The following CELF4 variants were observed in gnomAD, a reference collection of about 807,000 sequenced individuals.
The protein encoded by CELF4 is CUG-BP- and ETR-3-like factor 4.
In CELF4, 18 loss-of-function variants were observed where a neutral mutation model predicts 59.9. That is an observed-to-expected ratio of 0.30 (90% confidence interval 0.21 to 0.45). The LOEUF (loss-of-function observed/expected upper bound fraction) is 0.45, where lower values mean the gene tolerates loss of function less well. Among genes scored for constraint, CELF4 ranks in the 20% least tolerant of loss-of-function variants. The probability of loss-of-function intolerance (pLI) is 1.00; values close to 1 mark genes in which losing one functional copy is unlikely to be tolerated. For synonymous variants in CELF4, 261 were observed against 267.1 expected (o/e 0.98, Z 0.22); for missense variants, 456 against 689.0 (o/e 0.66, Z 3.79).
At chr18:37,328,338 C>G (rs928851558) in intron 2 of CELF4, among the ~76,000 whole-genome samples, 1 of 152,174 alleles carries the variant, frequency 6.6e-6, no homozygotes, top group Non-Finnish European at 1.5e-5. Flanking sequence ...CCGCAGGGAG[C>G]TGGGGAGAGG....
chr18:37,258,727 T>C (rs2071983520), intron 11 of CELF4, among the ~76,000 whole-genome samples: 1 of 152,104 alleles, frequency 6.6e-6, no homozygotes, highest in Non-Finnish European at 1.5e-5. Flanking sequence ...TGTCACGCTC[T>C]GATTTAGCCT....
chr18:37,297,871 C>T (rs572056875), intron 3 of CELF4, among the ~76,000 whole-genome samples: 2 of 152,152 alleles, frequency 1.3e-5, no homozygotes, highest in South Asian at 4.2e-4. Flanking sequence ...ATGCAAAGGC[C>T]CAGATGCCAG....
intron 1 of CELF4, among the ~76,000 whole-genome samples, chr18:37,557,853 G>C (rs1156330353): frequency 6.6e-6 from 1 of 152,118 alleles, no homozygotes; most frequent in Non-Finnish European, 1.5e-5. Context: ...TTCCTGAGCT[G>C]AGCTGCGGGG....
intron 3 of CELF4, among the ~76,000 whole-genome samples, chr18:37,317,941 C>T (rs528885690): frequency 8.5e-5 from 13 of 152,332 alleles, no homozygotes; most frequent in African/African-American, 2.9e-4. Context: ...GGTGGAACCA[C>T]GATATGGCCA....
chr18:37,294,906 G>C (rs2095551793), intron 3 of CELF4, among the ~76,000 whole-genome samples: 1 of 152,226 alleles, frequency 6.6e-6, no homozygotes, highest in South Asian at 2.1e-4. Flanking sequence ...CTCTTTGCTA[G>C]AGAAGATGGA....
intron 2 of CELF4, among the ~76,000 whole-genome samples, chr18:37,342,281 A>T (rs1293523850): frequency 6.6e-6 from 1 of 151,352 alleles, no homozygotes; most frequent in Non-Finnish European, 1.5e-5. Flanking sequence ...GGCACATGGC[A>T]GCCTCTCCAC....
intron 2 of CELF4, among the ~76,000 whole-genome samples, chr18:37,451,985 C>A (rs1032156885): frequency 3.3e-5 from 5 of 152,192 alleles, no homozygotes; most frequent in Admixed American, 6.5e-5. Context: ...GGATCTGAGC[C>A]CTCCTCTGCC....
intron 2 of CELF4, among the ~76,000 whole-genome samples, chr18:37,414,190 TCATCTATC>T (rs1569569163): frequency 1.4e-5 from 2 of 139,526 alleles, no homozygotes; most frequent in African/African-American, 2.7e-5. Context: ...TTCCATTCAT[TCATCTATC>T]TATCTATCTA....
At chr18:37,508,994 G>C (rs1336836688) in intron 1 of CELF4, among the ~76,000 whole-genome samples, 1 of 152,172 alleles carries the variant, frequency 6.6e-6, no homozygotes, top group Non-Finnish European at 1.5e-5. Flanking sequence ...CACCACTCCT[G>C]CCCTAATGTG....
rs377670336 is a variant in CELF4 at position 37,382,952 on chromosome 18, G to A, written c.370-61071C>T. The stretch of plus-strand genomic sequence containing the variant: ...TGGCCTGGTCATTCCAGTTCCCATC[G>A]TTAGAGCTGATTTGCCAGCTCTAAC... On this transcript the variant is annotated intron_variant, in intron 2 of 12. Coordinates refer to ENST00000420428, the MANE Select transcript of CELF4 (RefSeq NM_020180.4). Among the ~76,000 whole-genome samples, 8 of 152,016 alleles carry A rather than the reference G, an allele frequency of 5.3e-5. No individual in the cohort carries two copies. In the East Asian group the frequency reaches 7.7e-4, roughly 15 times the overall value.
intron 12 of CELF4, among the ~76,000 whole-genome samples, chr18:37,247,959 G>C (rs1198885209): frequency 1.3e-5 from 2 of 152,198 alleles, no homozygotes; most frequent in South Asian, 4.1e-4. Context: ...GGGGATGTCT[G>C]TCAAGGTGGC....
At chr18:37,480,607 T>C (rs1201763592) in intron 2 of CELF4, among the ~76,000 whole-genome samples, 5 of 152,174 alleles carry the variant, frequency 3.3e-5, no homozygotes, top group Admixed American at 2.6e-4. Flanking sequence ...GATCCCTCAA[T>C]GGCAGGACTG....
chr18:37,552,016 C>G (rs1015883178), intron 1 of CELF4, among the ~76,000 whole-genome samples: 2 of 152,218 alleles, frequency 1.3e-5, no homozygotes, highest in African/African-American at 4.8e-5. Context: ...GCTCTCCAGC[C>G]TTCCTGCTCT....
intron 7 of CELF4, among the ~76,000 whole-genome samples, chr18:37,272,190 G>A (rs1224604584): frequency 3.9e-5 from 6 of 152,188 alleles, no homozygotes; most frequent in South Asian, 4.1e-4. Context: ...CAGCCCTTAG[G>A]ACTAGACTAG....
chr18:37,430,339 A>G (rs540153247), intron 2 of CELF4, among the ~76,000 whole-genome samples: 1 of 152,358 alleles, frequency 6.6e-6, no homozygotes, highest in Non-Finnish European at 1.5e-5. Flanking sequence ...AATAGCAACA[A>G]AAATAAATTA....
chr18:37,330,902 A>G (rs1240558610), intron 2 of CELF4, among the ~76,000 whole-genome samples: 1 of 152,162 alleles, frequency 6.6e-6, no homozygotes, highest in Admixed American at 6.5e-5. Flanking sequence ...AGTGGTGGCG[A>G]TCATCATTTA....
chr18:37,484,267 C>T (rs2099876412), intron 2 of CELF4, among the ~76,000 whole-genome samples: 1 of 152,184 alleles, frequency 6.6e-6, no homozygotes, highest in African/African-American at 2.4e-5. Flanking sequence ...TACAATATGG[C>T]TTTATGCTTC....
chr18:37,303,831 C>A (rs2096234886), intron 3 of CELF4, among the ~76,000 whole-genome samples: 1 of 152,208 alleles, frequency 6.6e-6, no homozygotes, highest in African/African-American at 2.4e-5. Context: ...CCCACCCCAC[C>A]CCATGTCCTT....
intron 1 of CELF4, among the ~76,000 whole-genome samples, chr18:37,522,461 T>A (rs2099958599): frequency 6.6e-6 from 1 of 152,232 alleles, no homozygotes; most frequent in African/African-American, 2.4e-5. Flanking sequence ...GAAAATGTTG[T>A]CAACTCTCCA....
Sources: gnomAD v4.1 joint callset for allele counts (sites outside exome capture counted in the v4.1 genomes callset) on GRCh38, gnomAD v4.1.1 for gene constraint, MANE v1.5 for transcripts, NCBI Gene and HGNC (gene_info 2026-07-23, HGNC 2026-07-21) for gene names.